The following NLRP14 variants were observed in gnomAD, a reference collection of about 807,000 sequenced individuals.
NLRP14 encodes NACHT, LRR and PYD domains-containing protein 14.
NLRP14 carries 105 observed loss-of-function variants against 94.7 expected under a neutral mutation model. The ratio of observed to expected loss-of-function variants is 1.11; its 90% CI spans 0.95 to 1.30. The LOEUF is 1.30. Ranked by LOEUF, NLRP14 falls within the 50% of genes most tolerant of loss-of-function variation. The pLI is 0.00. For missense variants in NLRP14, 1,362 were observed against 1,254.1 expected (o/e 1.09, Z -1.30); for synonymous variants, 508 against 459.9 (o/e 1.10, Z -1.34).
chr11:7,051,954 A>G (rs745702693), intron 6 of NLRP14, among the ~76,000 whole-genome samples: 1 of 152,220 alleles, frequency 6.6e-6, no homozygotes, highest in South Asian at 2.1e-4. Flanking sequence ...ATGCTTTACT[A>G]TAATATTTAC....
chr11:7,027,021 A>G (rs755137014), intron 1 of NLRP14, among the ~76,000 whole-genome samples: 1 of 151,990 alleles, frequency 6.6e-6, no homozygotes, highest in Non-Finnish European at 1.5e-5. Context: ...CATCCACACA[A>G]TGCATTCACA....
Position 7,042,799 on chromosome 11 carries a change from T to C in NLRP14, c.773T>C (p.Ile258Thr), listed in dbSNP as rs1436502743. The change falls in exon 4 of 12, where the codon ATT becomes ACT. Residue 258 changes from isoleucine (I) to threonine (T), a missense_variant. Coordinates refer to ENST00000299481, the MANE Select transcript of NLRP14 (RefSeq NM_176822.4). ...CAGCCAAGTAGCCTCTTGTTTATTA[T>C]TGACAGTTTCGATGAACTGAACTTT... ...MYQPSSLLFI[I>T]DSFDELNFAF... The C allele has an allele frequency of 3.1e-6, 5 of 1,614,188 alleles. No homozygotes were observed. Among genetic ancestry groups the C allele is most frequent in the East Asian group, 2.2e-5 (1 of 44,886 alleles).
chr11:7,032,309 G>T (rs760880424), intron 1 of NLRP14, among the ~76,000 whole-genome samples: 1 of 151,926 alleles, frequency 6.6e-6, no homozygotes. Flanking sequence ...TGTATGACGA[G>T]GTCATTTTCA....
chr11:7,089,296 C>A, the NLRP14 span: 11 of 1,606,774 alleles, frequency 6.8e-6, no homozygotes, highest in Non-Finnish European at 8.5e-6. Context: ...TTTGAAAGCC[C>A]CGCAGACGCC....
At chr11:7,044,604 T>G (rs1852323704) in intron 4 of NLRP14, among the ~76,000 whole-genome samples, 1 of 152,170 alleles carries the variant, frequency 6.6e-6, no homozygotes, top group African/African-American at 2.4e-5. Flanking sequence ...GAAATGAACC[T>G]TAAGTGTTTT....
chr11:7,029,316 C>T lies in NLRP14; in HGVS notation c.-22+8546C>T, dbSNP rs1852059574. ...GTCATTTAAAGTATATTAACAGCAACAAATGAACAAGTACTACAATCACTC... is the reference window on the plus strand; with the variant it reads ...GTCATTTAAAGTATATTAACAGCAATAAATGAACAAGTACTACAATCACTC... On this transcript the variant is annotated intron_variant, in intron 1 of 11. Coordinates refer to ENST00000299481, the MANE Select transcript of NLRP14 (RefSeq NM_176822.4). 1.3e-5 allele frequency among the ~76,000 whole-genome samples: 2 copies of T among 152,160 alleles called. 1 individual carries two copies. The highest frequency in any genetic ancestry group is 1.3e-4 in the Admixed American group (2 of 15,274).
At chr11:7,088,859 G>A in the NLRP14 span, among the ~76,000 whole-genome samples, 1 of 152,218 alleles carries the variant, frequency 6.6e-6, no homozygotes, top group South Asian at 2.1e-4. Context: ...GACCGGGTCA[G>A]GTGAACAGGA....
chr11:7,038,535 G>C, intron 1 of NLRP14, 31 bp from the exon 2 acceptor site: 1 of 1,532,182 alleles, frequency 6.5e-7, no homozygotes, highest in Non-Finnish European at 9.0e-7. Context: ...TTTATTCCAT[G>C]TGCTTTTGGT....
intron 4 of NLRP14, among the ~76,000 whole-genome samples, chr11:7,044,194 C>CT (rs903489579): frequency 1.3e-5 from 2 of 152,014 alleles, no homozygotes; most frequent in Non-Finnish European, 2.9e-5. Context: ...CCTGAGATGG[C>CT]TTTTTTTGGC....
At chr11:7,083,297 C>A in the NLRP14 span, among the ~76,000 whole-genome samples, 6 of 152,178 alleles carry the variant, frequency 3.9e-5, no homozygotes, top group African/African-American at 1.4e-4. Flanking sequence ...AATGCCCATT[C>A]CAATTCTCTA....
the NLRP14 span, among the ~76,000 whole-genome samples, chr11:7,077,675 C>T: frequency 1.3e-5 from 2 of 152,216 alleles, no homozygotes; most frequent in Non-Finnish European, 2.9e-5. Flanking sequence ...GTGAAAGGCA[C>T]GTCTCACGTG....
intron 1 of NLRP14, among the ~76,000 whole-genome samples, chr11:7,021,117 C>A (rs1344119236): frequency 6.6e-6 from 1 of 152,206 alleles, no homozygotes; most frequent in Non-Finnish European, 1.5e-5. Flanking sequence ...ATAGTCATTA[C>A]AAGCAAGGGA....
At chr11:7,063,654 A>G (rs1589872510) in intron 10 of NLRP14, among the ~76,000 whole-genome samples, 2 of 152,218 alleles carry the variant, frequency 1.3e-5, no homozygotes, top group African/African-American at 4.8e-5. Flanking sequence ...GAATTTTCAC[A>G]TAAATATGCT....
At position 7,049,753 on chromosome 11, in the gene NLRP14, C is replaced by G. The variant is rs1358175481; in HGVS notation, c.2206C>G (p.Leu736Val). The change falls in exon 6 of 12, where the codon CTA becomes GTA. Residue 736 changes from leucine to valine, a missense_variant. Transcript: ENST00000299481. The part of the protein sequence containing the change: ...IHNKNLMHLD[L>V]KGSDIGDNGV... The stretch of plus-strand genomic sequence containing the variant: ...TAACAAGAATCTGATGCATCTTGAC[C>G]TAAAAGGGAGTGATATAGGGGATAA... 1 of 1,610,000 alleles carries G rather than the reference C, an allele frequency of 6.2e-7. No homozygotes were observed. The highest frequency in any genetic ancestry group is 1.3e-5 in the African/African-American group (1 of 74,800).
downstream of NLRP14, among the ~76,000 whole-genome samples, chr11:7,074,899 A>T (rs1365859075): frequency 1.3e-5 from 2 of 152,250 alleles, no homozygotes; most frequent in Non-Finnish European, 2.9e-5. Flanking sequence ...TCTACATTTT[A>T]TATAAGGTGA....
chr11:7,060,887 T>A lies in NLRP14; in HGVS notation c.2804+823T>A, dbSNP rs78285777. Among the ~76,000 whole-genome samples the A allele has an allele frequency of 7.2e-3, 1,099 of 152,158 alleles. 6 individuals are homozygous for A. Among genetic ancestry groups the A allele is most frequent in the Middle Eastern group, 0.034 (10 of 294 alleles). ...AAAAAAAGAAATACATTGAAATACTTATTTCAAATTATCTTCTTGATTATT... is the reference window on the plus strand; with the variant it reads ...AAAAAAAGAAATACATTGAAATACTAATTTCAAATTATCTTCTTGATTATT... On this transcript the variant is annotated intron_variant, in intron 9 of 11. Transcript: ENST00000299481.
intron 1 of NLRP14, among the ~76,000 whole-genome samples, chr11:7,026,956 T>TATA (rs766560468): frequency 2.0e-5 from 3 of 151,576 alleles, no homozygotes; most frequent in Non-Finnish European, 4.4e-5. Flanking sequence ...AAACTTAAAG[T>TATA]ATAATAATAA....
chr11:7,064,540 C>G (rs930820037), intron 10 of NLRP14, among the ~76,000 whole-genome samples: 2 of 152,066 alleles, frequency 1.3e-5, no homozygotes, highest in Non-Finnish European at 2.9e-5. Context: ...TTCCCCTACA[C>G]CAATGAAATC....
At chr11:7,049,890 T>C in intron 6 of NLRP14, 52 bp downstream of exon 6, 3 of 1,471,772 alleles carry the variant, frequency 2.0e-6, no homozygotes, top group Non-Finnish European at 2.9e-6. Context: ...GAGGCTTTTG[T>C]CTATCCAAGT....
Sources: gnomAD v4.1 joint callset for allele counts (sites outside exome capture counted in the v4.1 genomes callset) on GRCh38, gnomAD v4.1.1 for gene constraint, MANE v1.5 for transcripts, NCBI Gene and HGNC (gene_info 2026-07-23, HGNC 2026-07-21) for gene names.